Variants in FBRSL1 observed in about 807,000 individuals in gnomAD.
The protein encoded by FBRSL1 is fibrosin like 1, also known as fibrosin-1-like protein.
FBRSL1 carries 51 observed loss-of-function variants against 89.6 expected under a neutral mutation model. That is an observed-to-expected ratio of 0.57 (90% CI 0.45 to 0.72). The LOEUF (loss-of-function observed/expected upper bound fraction) is 0.72, where lower values mean the gene tolerates loss of function less well. Ranked by LOEUF, FBRSL1 falls within the 30% of genes least tolerant of loss-of-function variation. The pLI, the probability that FBRSL1 is intolerant of heterozygous loss-of-function variation, is 0.00. For missense variants in FBRSL1, 1,618 were observed against 1,451.8 expected, an observed-to-expected ratio of 1.11 and a Z score of -1.86; for synonymous variants, 779 against 681.1, an observed-to-expected ratio of 1.14 and a Z score of -2.24.
intron 12 of FBRSL1, 43 bp downstream of exon 12, chr12:132,574,201 TGCCCCGGCCGG>T (rs2040232292): frequency 7.0e-7 from 1 of 1,431,108 alleles, no homozygotes; most frequent in African/African-American, 1.4e-5. Flanking sequence ...GGGGATGGCC[TGCCCCGGCCGG>T]GCCCTGTGCG....
chr12:132,494,731 T>C (rs867089485), intron 1 of FBRSL1, among the ~76,000 whole-genome samples: 3 of 152,174 alleles, frequency 2.0e-5, no homozygotes, highest in South Asian at 2.1e-4. Flanking sequence ...CATAAGAAGG[T>C]GCGTGCTGAA....
At chr12:132,560,246 G>C (rs1356528156) in intron 5 of FBRSL1, 1 of 151,958 alleles carries the variant, frequency 6.6e-6, no homozygotes, top group African/African-American at 2.4e-5. Flanking sequence ...TGCGCGCTGC[G>C]GACTCCAGAG....
In FBRSL1 at chr12:132,582,080, T is replaced by G; in HGVS notation, c.2015T>G (p.Phe672Cys). ...CCCCCAGCTCCCGGTGGCAGCATCT[T>G]TGCCCCCAAGGAGGGCTCCTCCGTG... is the stretch of plus-strand genomic sequence containing the variant. ...SHALAPGGSI[F>C]APKEGSSVHG... The change falls in exon 18 of 19, where the codon TTT becomes TGT. Residue 672 changes from phenylalanine (F) to cysteine (C), a missense_variant. Physicochemically the swap from Phe to Cys is radical, Grantham distance 205. Transcript: ENST00000680143. The G allele has an allele frequency of 6.5e-7, 1 of 1,547,862 alleles. No homozygotes were observed. The highest frequency in any genetic ancestry group is 8.7e-7 in the Non-Finnish European group (1 of 1,145,526).
chr12:132,497,875 C>T (rs554183350), intron 1 of FBRSL1, among the ~76,000 whole-genome samples: 1 of 152,192 alleles, frequency 6.6e-6, no homozygotes, highest in Non-Finnish European at 1.5e-5. Flanking sequence ...GGGCTTGTGG[C>T]GTGCGATGTG....
intron 9 of FBRSL1, chr12:132,571,661 G>C (rs1167287514): frequency 8.7e-6 from 5 of 576,212 alleles, no homozygotes; most frequent in Non-Finnish European, 1.3e-5. Context: ...TCTGTCGTCT[G>C]TCCGGTCCCC....
chr12:132,537,465 G>A (rs144649472), intron 4 of FBRSL1, among the ~76,000 whole-genome samples: 122 of 152,272 alleles, frequency 8.0e-4, no homozygotes, highest in Admixed American at 1.6e-3. Flanking sequence ...CCAGGGCGTC[G>A]CAGTGCAAAT....
chr12:132,579,894 C>T (rs1294011513), intron 15 of FBRSL1, among the ~76,000 whole-genome samples: 2 of 152,156 alleles, frequency 1.3e-5, no homozygotes, highest in Admixed American at 6.6e-5. Flanking sequence ...ATTCCTCAAG[C>T]TGTTTCTTCT....
At chr12:132,510,935 G>A (rs2034263630) in intron 2 of FBRSL1, 1 of 995,536 alleles carries the variant, frequency 1.0e-6, no homozygotes, top group Admixed American at 6.1e-5. Context: ...GCGTGAGCCT[G>A]GTGTGTGCGT....
intron 6 of FBRSL1, among the ~76,000 whole-genome samples, chr12:132,568,670 C>G (rs1209008334): frequency 1.3e-5 from 2 of 152,272 alleles, no homozygotes; most frequent in African/African-American, 4.8e-5. Context: ...ACAGCTCTTA[C>G]TATATGCAAG....
intron 4 of FBRSL1, among the ~76,000 whole-genome samples, chr12:132,532,588 GC>G (rs1464522855): frequency 1.3e-5 from 2 of 152,190 alleles, no homozygotes; most frequent in Admixed American, 6.5e-5. Context: ...CCGTCCCCTT[GC>G]CTCCCCTCCA....
At chr12:132,542,286 T>C (rs984224377) in intron 4 of FBRSL1, among the ~76,000 whole-genome samples, 1 of 152,158 alleles carries the variant, frequency 6.6e-6, no homozygotes, top group Admixed American at 6.5e-5. Flanking sequence ...ATGTGCACAC[T>C]CAGGCCACAC....
rs1483001450 is a variant in FBRSL1, at chr12:132,584,724, A to C, written c.*946A>C. On this transcript the variant is annotated 3_prime_UTR_variant, in exon 19 of 19. Coordinates refer to ENST00000680143, the MANE Select transcript of FBRSL1 (RefSeq NM_001367871.1). The stretch of plus-strand genomic sequence containing the variant: ...CTGGCCGGCTCCAGCCGCAAGGGCG[A>C]TGCTGTGGACGTTTGTGTGGATGGT... 1 of 152,432 alleles carries C rather than the reference A, an allele frequency of 6.6e-6. No individual in the cohort carries two copies. Among genetic ancestry groups the C allele is most frequent in the African/African-American group, 2.4e-5 (1 of 41,450 alleles). The allele number at this position is 152,432 out of a possible 1,614,324, so 9.4% of individuals were successfully genotyped here. A position where few individuals can be genotyped will look rare whatever the true frequency, so the allele number is the denominator to read the frequency against.
chr12:132,494,046 A>C (rs998558301), intron 1 of FBRSL1, among the ~76,000 whole-genome samples: 3 of 152,138 alleles, frequency 2.0e-5, no homozygotes, highest in African/African-American at 7.2e-5. Context: ...GCGGCGCGGC[A>C]GACCTGAGCC....
chr12:132,574,645 G>A (rs2040261001), intron 14 of FBRSL1, 81 bp downstream of exon 14: 3 of 1,493,232 alleles, frequency 2.0e-6, no homozygotes, highest in Admixed American at 2.1e-5. Flanking sequence ...GCATGAGGCT[G>A]TGTGTGTTCA....
chr12:132,543,544 C>T (rs950865376), intron 4 of FBRSL1, among the ~76,000 whole-genome samples: 2 of 152,186 alleles, frequency 1.3e-5, no homozygotes, highest in African/African-American at 2.4e-5. Context: ...GCCATCGGTG[C>T]TCATGAGAAG....
chr12:132,493,710 C>T (rs1045627240), intron 1 of FBRSL1, among the ~76,000 whole-genome samples: 1 of 152,124 alleles, frequency 6.6e-6, no homozygotes, highest in Non-Finnish European at 1.5e-5. Flanking sequence ...GCCCCCGCCC[C>T]CTTTGTGTAC....
intron 1 of FBRSL1, among the ~76,000 whole-genome samples, chr12:132,501,911 C>G (rs1226399426): frequency 6.6e-6 from 1 of 152,256 alleles, no homozygotes; most frequent in Non-Finnish European, 1.5e-5. Context: ...TGGGGACAGC[C>G]TCACCTGCCC....
chr12:132,527,536 G>C (rs1044524423), intron 3 of FBRSL1, among the ~76,000 whole-genome samples: 1 of 152,244 alleles, frequency 6.6e-6, no homozygotes, highest in African/African-American at 2.4e-5. Context: ...TGTCTCGCTG[G>C]TGGTCTTGGG....
intron 1 of FBRSL1, among the ~76,000 whole-genome samples, chr12:132,503,939 C>G (rs141566225): frequency 8.0e-4 from 122 of 152,114 alleles, no homozygotes; most frequent in African/African-American, 2.9e-3. Context: ...CCAACCCATC[C>G]GAGAAGACCC....
Sources: gnomAD v4.1 joint callset for allele counts (sites outside exome capture counted in the v4.1 genomes callset) on GRCh38, gnomAD v4.1.1 for gene constraint, MANE v1.5 for transcripts, NCBI Gene and HGNC (gene_info 2026-07-23, HGNC 2026-07-21) for gene names.